SNX29: variants seen among roughly 807,000 people sequenced by gnomAD.
SNX29 encodes sorting nexin 29.
In SNX29, 78 loss-of-function variants were observed where a neutral mutation model predicts 102.1. The ratio of observed to expected loss-of-function variants is 0.76; its 90% CI spans 0.64 to 0.92. The LOEUF (loss-of-function observed/expected upper bound fraction) is 0.92. SNX29 is among the 40% of genes least tolerant of loss of function. The probability of loss-of-function intolerance (pLI) is 0.00; values close to 1 mark genes in which losing one functional copy is unlikely to be tolerated. For missense variants in SNX29, 1,280 were observed against 1,061.7 expected (o/e 1.21, Z -2.86); for synonymous variants, 580 against 414.5 (o/e 1.40, Z -4.85).
rs1291229555 is a variant in SNX29 at position 12,555,621 on chromosome 16, G to T, written c.2319-12885G>T. 2.6e-5 allele frequency among the ~76,000 whole-genome samples: 4 copies of T among 151,842 alleles called. No homozygotes were observed. The East Asian group carries it at 7.9e-4, about 30-fold the overall frequency. ...CAGCTGCCCTTAGTCCAGTGTGCAT[G>T]CCACACCTGAGTAACCCCACTGATG... On this transcript the variant is annotated intron_variant, in intron 20 of 20. Transcript: ENST00000566228.
At chr16:12,086,232 C>A (rs28667047) in intron 11 of SNX29, among the ~76,000 whole-genome samples, 42,404 of 151,840 alleles carry the variant, frequency 0.28, 6,061 homozygotes, top group South Asian at 0.39. Flanking sequence ...TCTCAATCTC[C>A]TTTCCTTGTG....
intron 20 of SNX29, 143 bp from the exon 21 acceptor site, chr16:12,568,363 G>A (rs529634407): frequency 1.6e-4 from 174 of 1,097,098 alleles, no homozygotes; most frequent in South Asian, 1.9e-4. Context: ...TCTTCAGGTG[G>A]CACCAGTTAG....
rs35252846 is a variant in SNX29, at chr16:12,109,737, CT to C, written c.1403-16885del. 2.9e-3 allele frequency among the ~76,000 whole-genome samples: 436 copies of C among 148,322 alleles called. 2 individuals are homozygous for C. The highest frequency in any genetic ancestry group is 4.5e-3 in the Non-Finnish European group (300 of 66,900). On this transcript the variant is annotated intron_variant, in intron 11 of 20. Coordinates refer to ENST00000566228, the MANE Select transcript of SNX29 (RefSeq NM_032167.5). ...CCTGTTGAGCTTCCATTGCCCTCAT[CT>C]TTTTTTTTTTGACACGGAATCCCGC...
intron 16 of SNX29, chr16:12,373,639 T>C (rs936657673): frequency 2.6e-5 from 4 of 152,220 alleles, no homozygotes; most frequent in African/African-American, 7.2e-5. Flanking sequence ...CTCTCTCCTT[T>C]GTCCATTTTA....
At chr16:12,428,622 C>G (rs1247323459) in intron 18 of SNX29, among the ~76,000 whole-genome samples, 2 of 152,010 alleles carry the variant, frequency 1.3e-5, no homozygotes, top group African/African-American at 4.8e-5. Flanking sequence ...CAATTTATAT[C>G]TCCTAGTTAA....
In SNX29 at chr16:12,572,890, C is replaced by T. The variant is rs550495536; in HGVS notation, c.*4261C>T. On this transcript the variant is annotated 3_prime_UTR_variant, in exon 21 of 21. Transcript: ENST00000566228. ...AATGATTGTCTTGACTCTGCCTTGGCATTTCGCTCGGAATCACGGCAGACT... is the reference window on the plus strand; with the variant it reads ...AATGATTGTCTTGACTCTGCCTTGGTATTTCGCTCGGAATCACGGCAGACT... 3.1e-4 allele frequency: 330 copies of T among 1,048,610 alleles called. No homozygotes were observed. The highest frequency in any genetic ancestry group is 3.7e-4 in the Non-Finnish European group (323 of 864,618). The allele number at this position is 1,048,610 out of a possible 1,614,324, so 65.0% of individuals were successfully genotyped here. A position where few individuals can be genotyped will look rare whatever the true frequency, so the allele number is the denominator to read the frequency against.
intron 19 of SNX29, among the ~76,000 whole-genome samples, chr16:12,505,425 A>G (rs971282829): frequency 6.6e-6 from 1 of 152,236 alleles, no homozygotes; most frequent in South Asian, 2.1e-4. Context: ...TCAATTGACT[A>G]TAAATGTGAG....
At chr16:12,013,500 A>AAAAAATATATATAT in intron 3 of SNX29, among the ~76,000 whole-genome samples, 27 of 31,620 alleles carry the variant, frequency 8.5e-4, no homozygotes, top group East Asian at 1.9e-3. Flanking sequence ...AAAAAAAAAA[A>AAAAAATATATATAT]ATATATATAT....
At chr16:12,202,327 A>T (rs1822903049) in intron 14 of SNX29, among the ~76,000 whole-genome samples, 1 of 152,098 alleles carries the variant, frequency 6.6e-6, no homozygotes, top group South Asian at 2.1e-4. Context: ...TATCTAATGG[A>T]AAGTTTTTTT....
At chr16:12,446,899 C>CT (rs978470857) in intron 18 of SNX29, among the ~76,000 whole-genome samples, 68 of 152,012 alleles carry the variant, frequency 4.5e-4, no homozygotes, top group African/African-American at 1.4e-3. Context: ...GGTGTGGTGA[C>CT]TCACATGGTA....
intron 15 of SNX29, among the ~76,000 whole-genome samples, chr16:12,307,379 T>A (rs910896941): frequency 4.6e-5 from 7 of 152,168 alleles, no homozygotes; most frequent in Admixed American, 1.3e-4. Context: ...CAGTATAAAA[T>A]GAGAAATGCA....
intron 15 of SNX29, among the ~76,000 whole-genome samples, chr16:12,308,061 T>G (rs2080397442): frequency 6.6e-6 from 1 of 152,252 alleles, no homozygotes; most frequent in Admixed American, 6.5e-5. Flanking sequence ...AGACAGGGTC[T>G]ACCTCAGCTC....
At chr16:12,113,263 C>T (rs141971617) in intron 11 of SNX29, among the ~76,000 whole-genome samples, 62 of 152,230 alleles carry the variant, frequency 4.1e-4, no homozygotes, top group East Asian at 3.1e-3. Flanking sequence ...CAGGAGGTGC[C>T]GTCATGCCCA....
At chr16:12,115,485 TTGTGTGTGTGTG>T (rs3222983) in intron 11 of SNX29, among the ~76,000 whole-genome samples, 34 of 141,860 alleles carry the variant, frequency 2.4e-4, no homozygotes, top group Non-Finnish European at 3.5e-4. Flanking sequence ...CCACCTTGAT[TTGTGTGTGTGTG>T]TGTGTGTGTG....
At chr16:12,521,219 T>C (rs1453051745) in intron 19 of SNX29, among the ~76,000 whole-genome samples, 1 of 152,150 alleles carries the variant, frequency 6.6e-6, no homozygotes, top group African/African-American at 2.4e-5. Context: ...CACTCGTTCA[T>C]GTAACCAGAA....
rs996814118 is a variant in SNX29, at chr16:12,570,147, TCA to T, written c.*1525_*1526del. On this transcript the variant is annotated 3_prime_UTR_variant, in exon 21 of 21. Coordinates refer to ENST00000566228, the MANE Select transcript of SNX29 (RefSeq NM_032167.5). ...GGCCTTTAAGGAAGGCTGAGATCACTCACACACAGCGCCCCCCCACCCCAGAG... is the reference window on the plus strand; with the variant it reads ...GGCCTTTAAGGAAGGCTGAGATCACTCACACAGCGCCCCCCCACCCCAGAG... The T allele has an allele frequency of 3.0e-5, 32 of 1,063,402 alleles. No individual in the cohort carries two copies. The African/African-American group carries it at 3.8e-4, about 13-fold the overall frequency. 65.9% of individuals were successfully genotyped at this position (1,063,402 alleles called of 1,614,324 possible). A position where few individuals can be genotyped will look rare whatever the true frequency, so the allele number is the denominator to read the frequency against.
At chr16:12,339,622 C>T (rs1168708156) in intron 15 of SNX29, among the ~76,000 whole-genome samples, 1 of 152,176 alleles carries the variant, frequency 6.6e-6, no homozygotes, top group Non-Finnish European at 1.5e-5. Context: ...TGTTCTCTTC[C>T]TGCTGTTGCT....
intron 8 of SNX29, among the ~76,000 whole-genome samples, chr16:12,059,756 C>T (rs533346452): frequency 1.4e-3 from 206 of 152,256 alleles, no homozygotes; most frequent in Middle Eastern, 3.4e-3. Flanking sequence ...ACTCTCTGGT[C>T]TATTACAGAA....
intron 2 of SNX29, among the ~76,000 whole-genome samples, chr16:12,002,266 A>G (rs2151022861): frequency 6.6e-6 from 1 of 151,948 alleles, no homozygotes; most frequent in African/African-American, 2.4e-5. Context: ...TGACCAACAT[A>G]GAGAAACCCC....
Sources: allele counts gnomAD v4.1 joint callset (sites outside exome capture counted in the v4.1 genomes callset), GRCh38; gene constraint gnomAD v4.1.1; transcripts MANE v1.5; gene names NCBI Gene and HGNC (gene_info 2026-07-23, HGNC 2026-07-21).